The following PRKAR2A variants were observed in gnomAD, a reference collection of about 807,000 sequenced individuals.
PRKAR2A encodes the protein cAMP-dependent protein kinase type II-alpha regulatory subunit.
PRKAR2A carries 29 observed loss-of-function variants against 51.9 expected under a neutral mutation model. The ratio of observed to expected loss-of-function variants is 0.56; its 90% CI spans 0.42 to 0.76. The LOEUF (loss-of-function observed/expected upper bound fraction) is 0.76. Ranked by LOEUF, PRKAR2A falls within the 30% of genes least tolerant of loss-of-function variation. The probability of loss-of-function intolerance (pLI) is 0.00; values close to 1 mark genes in which losing one functional copy is unlikely to be tolerated. For synonymous variants in PRKAR2A, 178 were observed against 186.2 expected, an observed-to-expected ratio of 0.96 and a Z score of 0.36; for missense variants, 445 against 512.1, an observed-to-expected ratio of 0.87 and a Z score of 1.26.
At chr3:48,797,816 G>A (rs999521854) in intron 2 of PRKAR2A, among the ~76,000 whole-genome samples, 1 of 152,206 alleles carries the variant, frequency 6.6e-6, no homozygotes, top group South Asian at 2.1e-4. Context: ...AGCCAGGAAA[G>A]TAACAATGGG....
chr3:48,786,005 A>T (rs189203004), intron 4 of PRKAR2A, among the ~76,000 whole-genome samples: 8 of 152,314 alleles, frequency 5.3e-5, no homozygotes, highest in Non-Finnish European at 1.2e-4. Context: ...ATCAGAAAAA[A>T]TACTGACACT....
chr3:48,778,259 G>A (rs1437649785), intron 5 of PRKAR2A, among the ~76,000 whole-genome samples: 1 of 152,044 alleles, frequency 6.6e-6, no homozygotes, highest in Non-Finnish European at 1.5e-5. Flanking sequence ...CCAAAGTGCT[G>A]GGATTACAGG....
intron 6 of PRKAR2A, among the ~76,000 whole-genome samples, chr3:48,768,187 G>A (rs2081968580): frequency 6.6e-6 from 1 of 151,820 alleles, no homozygotes; most frequent in Non-Finnish European, 1.5e-5. Context: ...CCAGTTACTG[G>A]GGAGGCAGAG....
intron 6 of PRKAR2A, among the ~76,000 whole-genome samples, chr3:48,771,814 T>C (rs2082032905): frequency 6.6e-6 from 1 of 152,178 alleles, no homozygotes; most frequent in African/African-American, 2.4e-5. Context: ...AAAATGTTCA[T>C]TCTGTTGTTG....
rs896023330 is a variant in PRKAR2A, at chr3:48,751,487, G to A, written c.*98C>T. The A allele has an allele frequency of 1.1e-5, 17 of 1,533,948 alleles. No homozygotes were observed. Among genetic ancestry groups the A allele is most frequent in the Middle Eastern group, 1.7e-4 (1 of 5,876 alleles). On this transcript the variant is annotated 3_prime_UTR_variant, in exon 11 of 11. Transcript: ENST00000265563. ...CAGCAATGGCAGCAGTGGCGGCAAC[G>A]GCAGGAACAGTTCTGTCATGTCTGT... is the stretch of plus-strand genomic sequence containing the variant.
chr3:48,840,023 T>C (rs143656903), intron 1 of PRKAR2A, among the ~76,000 whole-genome samples: 18 of 152,286 alleles, frequency 1.2e-4, no homozygotes, highest in Admixed American at 1.2e-3. Flanking sequence ...TAACACCCTA[T>C]TACACCTTCC....
At chr3:48,770,111 C>CAAAACTCTCTTT (rs2082007957) in intron 6 of PRKAR2A, among the ~76,000 whole-genome samples, 1 of 152,008 alleles carries the variant, frequency 6.6e-6, no homozygotes, top group African/African-American at 2.4e-5. Context: ...TAACACTTCC[C>CAAAACTCTCTTT]AAAACTCTCT....
At position 48,844,100 on chromosome 3, in the gene PRKAR2A, G is replaced by T. The variant is rs1486121635; in HGVS notation, c.262+3235C>A. Among the ~76,000 whole-genome samples the T allele has an allele frequency of 4.7e-4, 72 of 151,702 alleles. 1 individual carries two copies. The highest frequency in any genetic ancestry group is 3.4e-3 in the Middle Eastern group (1 of 294). ...GCAACCTACTCATCTGACAAAGGGC[G>T]AATATCCAGAATCTACAATGAACTC... On this transcript the variant is annotated intron_variant, in intron 1 of 10. Coordinates refer to ENST00000265563, the MANE Select transcript of PRKAR2A (RefSeq NM_004157.4).
At chr3:48,787,883 A>T (rs1210665216) in intron 4 of PRKAR2A, among the ~76,000 whole-genome samples, 1 of 152,194 alleles carries the variant, frequency 6.6e-6, no homozygotes, top group Non-Finnish European at 1.5e-5. Flanking sequence ...AGGGCTGTGG[A>T]AATGTCTTCA....
intron 4 of PRKAR2A, among the ~76,000 whole-genome samples, chr3:48,788,889 A>C (rs2082337243): frequency 6.6e-6 from 1 of 152,096 alleles, no homozygotes; most frequent in South Asian, 2.1e-4. Flanking sequence ...GTACTAGGAC[A>C]CCTATCAGGA....
At chr3:48,822,740 T>C (rs1180429322) in intron 1 of PRKAR2A, among the ~76,000 whole-genome samples, 1 of 148,632 alleles carries the variant, frequency 6.7e-6, no homozygotes, top group Non-Finnish European at 1.5e-5. Context: ...TTTTTTTTTT[T>C]TCTTTGAGAC....
chr3:48,767,190 A>G (rs991560548), intron 6 of PRKAR2A, among the ~76,000 whole-genome samples: 3 of 152,246 alleles, frequency 2.0e-5, no homozygotes, highest in African/African-American at 7.2e-5. Flanking sequence ...CAGAAAGTAT[A>G]ATAATGGGCT....
At chr3:48,825,310 G>A (rs2083044970) in intron 1 of PRKAR2A, among the ~76,000 whole-genome samples, 1 of 151,556 alleles carries the variant, frequency 6.6e-6, no homozygotes, top group Admixed American at 6.6e-5. Flanking sequence ...CACCCGGCCT[G>A]ATTTTCTTTT....
At chr3:48,791,840 T>C (rs1034504864) in intron 3 of PRKAR2A, among the ~76,000 whole-genome samples, 2 of 130,370 alleles carry the variant, frequency 1.5e-5, no homozygotes, top group Non-Finnish European at 3.1e-5. Context: ...GAGGCAGAGG[T>C]TGTGGTGAGC....
chr3:48,788,155 C>T (rs974570376), intron 4 of PRKAR2A, among the ~76,000 whole-genome samples: 1 of 152,134 alleles, frequency 6.6e-6, no homozygotes, highest in Non-Finnish European at 1.5e-5. Context: ...CTCAGCCTCC[C>T]GAGTAGCTGA....
At chr3:48,846,020 T>C (rs2083455677) in intron 1 of PRKAR2A, among the ~76,000 whole-genome samples, 1 of 152,116 alleles carries the variant, frequency 6.6e-6, no homozygotes, top group African/African-American at 2.4e-5. Context: ...ACTTGTTTCC[T>C]GCTCGGTCCT....
At chr3:48,813,981 C>T (rs1020607195) in intron 1 of PRKAR2A, among the ~76,000 whole-genome samples, 5 of 151,940 alleles carry the variant, frequency 3.3e-5, no homozygotes, top group Non-Finnish European at 7.4e-5. Flanking sequence ...AAAATTAGGG[C>T]CAGGCGCAGT....
At chr3:48,831,017 A>T (rs1218905032) in intron 1 of PRKAR2A, among the ~76,000 whole-genome samples, 1 of 152,090 alleles carries the variant, frequency 6.6e-6, no homozygotes, top group African/African-American at 2.4e-5. Context: ...CCCACTGCTC[A>T]CCTCCTGCTG....
At chr3:48,794,160 T>A (rs1488468983) in intron 2 of PRKAR2A, 111 bp from the exon 3 acceptor site, 2 of 871,932 alleles carry the variant, frequency 2.3e-6, no homozygotes, top group Non-Finnish European at 3.4e-6. Flanking sequence ...TTTTCTTTTT[T>A]TTTTTTTTGA....
Sources: gnomAD v4.1 joint callset for allele counts (sites outside exome capture counted in the v4.1 genomes callset) on GRCh38, gnomAD v4.1.1 for gene constraint, MANE v1.5 for transcripts, NCBI Gene and HGNC (gene_info 2026-07-23, HGNC 2026-07-21) for gene names.